The following CASK variants were observed in gnomAD, a reference collection of about 807,000 sequenced individuals.
CASK encodes peripheral plasma membrane protein CASK.
Under a neutral mutation model 82.9 loss-of-function variants are expected in CASK, and 4 were observed. The observed-to-expected ratio is 0.05, with a 90% CI of 0.02 to 0.11. CASK has a LOEUF of 0.11. CASK is among the 10% of genes least tolerant of loss of function. The pLI is 1.00. For synonymous variants in CASK, 259 were observed against 253.5 expected (o/e 1.02, Z -0.20); for missense variants, 358 against 720.9 (o/e 0.50, Z 5.76).
rs1335656094 is a variant in CASK, at chrX:41,517,392, A to G, written c.*3028T>C. On this transcript the variant is annotated 3_prime_UTR_variant, in exon 27 of 27. Coordinates refer to ENST00000378163, the MANE Select transcript of CASK (RefSeq NM_001367721.1). ...TTAAAAAGGCTACAATGTTATCTTG[A>G]CACTGGGAAACTTCCAGATGAATTA... 4.2e-5 allele frequency: 6 copies of G among 143,283 alleles called. No homozygotes were observed. Among genetic ancestry groups the G allele is most frequent in the Non-Finnish European group, 4.1e-5 (3 of 73,111 alleles). The allele number at this position is 143,283 out of a possible 1,213,427, so 11.8% of individuals were successfully genotyped here.
chrX:41,570,422 T>A (rs1364887935), intron 15 of CASK, among the ~76,000 whole-genome samples: 1 of 111,806 alleles, frequency 8.9e-6, no homozygotes. Flanking sequence ...ATAATTGACA[T>A]ACACATATTT....
chrX:41,823,298 C>T (rs372715640), intron 2 of CASK, among the ~76,000 whole-genome samples: 2 of 108,026 alleles, frequency 1.9e-5, no homozygotes, highest in Non-Finnish European at 1.9e-5. Context: ...TGCTGCCTAT[C>T]GAAGATCTCA....
rs897941808 is a variant in CASK, at chrX:41,595,597, G to A, written c.1156-6005C>T. ...GTGACAGAATGAGACTCTGTTTGGG[G>A]TACCAAAAAAATAAAAATAAAAAAA... is the stretch of plus-strand genomic sequence containing the variant. On this transcript the variant is annotated intron_variant, in intron 12 of 26. Coordinates refer to ENST00000378163, the MANE Select transcript of CASK (RefSeq NM_001367721.1). 2.7e-5 allele frequency among the ~76,000 whole-genome samples: 3 copies of A among 110,515 alleles called. No individual in the cohort carries two copies. In the Admixed American group the frequency reaches 2.9e-4, roughly 11 times the overall value.
In CASK at chrX:41,516,684, G is replaced by C. The variant is rs2064554612; in HGVS notation, c.*3736C>G. On this transcript the variant is annotated 3_prime_UTR_variant, in exon 27 of 27. Transcript: ENST00000378163. The stretch of plus-strand genomic sequence containing the variant: ...GAGTTTGATAATAGGAAGCAAGAAG[G>C]AGGAGGGATGAGGATGACAAGGAGC... The C allele has an allele frequency of 9.0e-6, 1 of 111,364 alleles. No homozygotes were observed. The highest frequency in any genetic ancestry group is 1.9e-5 in the Non-Finnish European group (1 of 53,082). 9.2% of individuals were successfully genotyped at this position (111,364 alleles called of 1,213,427 possible). A position where few individuals can be genotyped will look rare whatever the true frequency, so the allele number is the denominator to read the frequency against.
Position 41,923,026 on chromosome X carries a change from C to A in CASK, c.-38G>T. 1 of 1,175,335 alleles carries A rather than the reference C, an allele frequency of 8.5e-7. No homozygotes were observed. The highest frequency in any genetic ancestry group is 1.2e-6 in the Non-Finnish European group (1 of 863,119). On this transcript the variant is annotated 5_prime_UTR_variant, in exon 1 of 27. Transcript: ENST00000378163. ...ATAGCGGCCGCAGCGTGGAGGGCTT[C>A]GAAAACGGGGGTGGGGGCGCCCAAG...
At chrX:41,646,027 T>C (rs1326158821) in intron 8 of CASK, among the ~76,000 whole-genome samples, 2 of 111,419 alleles carry the variant, frequency 1.8e-5, no homozygotes, top group African/African-American at 6.5e-5. Context: ...AATGTTACCA[T>C]AGGTTATAAA....
chrX:41,684,662 A>C (rs778940138), intron 5 of CASK, among the ~76,000 whole-genome samples: 1 of 110,397 alleles, frequency 9.1e-6, no homozygotes, highest in African/African-American at 3.3e-5. Flanking sequence ...ATGCCTGACT[A>C]ATTTTTTGCA....
chrX:41,705,012 T>C (rs1162200591), intron 5 of CASK, among the ~76,000 whole-genome samples: 2 of 111,661 alleles, frequency 1.8e-5, no homozygotes, highest in African/African-American at 6.5e-5. Context: ...ATACATAAAA[T>C]GGAATGGCTA....
At chrX:41,567,697 T>G (rs79400142) in intron 16 of CASK, among the ~76,000 whole-genome samples, 13,788 of 111,382 alleles carry the variant, frequency 0.12, 819 homozygotes, top group Middle Eastern at 0.19. Flanking sequence ...CTCAAGGATC[T>G]AGAACTAGAA....
intron 8 of CASK, among the ~76,000 whole-genome samples, chrX:41,650,866 A>G (rs1414962039): frequency 8.9e-6 from 1 of 111,908 alleles, no homozygotes; most frequent in African/African-American, 3.2e-5. Context: ...CACATGGACA[A>G]ATACTGAAAT....
chrX:41,641,022 G>A (rs1460546771), intron 8 of CASK, among the ~76,000 whole-genome samples: 1 of 64,510 alleles, frequency 1.6e-5, no homozygotes, highest in African/African-American at 6.5e-5. Flanking sequence ...ACTCACTCTT[G>A]TTGCCCAGGC....
chrX:41,646,945 C>T (rs892172591), intron 8 of CASK, among the ~76,000 whole-genome samples: 1 of 111,325 alleles, frequency 9.0e-6, no homozygotes, highest in African/African-American at 3.3e-5. Flanking sequence ...AGTGCTACAG[C>T]GAATTCTAAA....
chrX:41,586,919 T>C lies in CASK; in HGVS notation c.1302A>G (p.Gln434=), dbSNP rs764629370. ...DAKELKRILT[Q]PHFMALLQTH... ...AATTATTACTTACCATGAAATGAGGTTGTGTTAAAATACGCTTTAGTTCCT... is the reference window on the plus strand; with the variant it reads ...AATTATTACTTACCATGAAATGAGGCTGTGTTAAAATACGCTTTAGTTCCT... The change falls in exon 14 of 27, where the codon CAA becomes CAG. Residue 434 remains glutamine (Q), a synonymous_variant. Coordinates refer to ENST00000378163, the MANE Select transcript of CASK (RefSeq NM_001367721.1). The C allele has an allele frequency of 2.6e-6, 3 of 1,161,099 alleles. No homozygotes were observed. In the Admixed American group the frequency reaches 6.5e-5, roughly 25 times the overall value.
At chrX:41,818,145 C>CTGTGTGTGTGTGTG (rs59931187) in intron 2 of CASK, among the ~76,000 whole-genome samples, 51 of 85,422 alleles carry the variant, frequency 6.0e-4, no homozygotes, top group African/African-American at 1.1e-3. Context: ...AGGAGGCCTT[C>CTGTGTGTGTGTGTG]TGTGTGTGTG....
At position 41,606,098 on chromosome X, in the gene CASK, T is replaced by C. The variant is rs1035001021; in HGVS notation, c.1155+3806A>G. ...TTTTAAATGATTAGATTTCTCTATA[T>C]GGCAGTCACTTGAATTCTTCATTGA... On this transcript the variant is annotated intron_variant, in intron 12 of 26. Coordinates refer to ENST00000378163, the MANE Select transcript of CASK (RefSeq NM_001367721.1). Among the ~76,000 whole-genome samples, 4 of 112,646 alleles carry C rather than the reference T, an allele frequency of 3.6e-5. No homozygotes were observed. The South Asian group carries it at 1.5e-3, about 41-fold the overall frequency.
intron 1 of CASK, among the ~76,000 whole-genome samples, chrX:41,856,807 A>C (rs1292428982): frequency 9.2e-6 from 1 of 108,251 alleles, no homozygotes; most frequent in East Asian, 2.9e-4. Context: ...AAAAAAAAAA[A>C]AAAAAACCAA....
intron 3 of CASK, among the ~76,000 whole-genome samples, chrX:41,775,586 G>A (rs370099008): frequency 2.8e-5 from 3 of 105,760 alleles, no homozygotes; most frequent in South Asian, 4.2e-4. Flanking sequence ...ACATGCACAC[G>A]TATGTTTACT....
intron 3 of CASK, among the ~76,000 whole-genome samples, chrX:41,772,345 C>CAAAA (rs761427437): frequency 1.1e-4 from 3 of 26,354 alleles, no homozygotes; most frequent in Non-Finnish European, 1.8e-4. Context: ...GACTCTGTCT[C>CAAAA]AAAAAAAAAA....
intron 5 of CASK, among the ~76,000 whole-genome samples, chrX:41,726,438 A>T: frequency 8.9e-6 from 1 of 111,942 alleles, no homozygotes; most frequent in African/African-American, 3.3e-5. Flanking sequence ...AACTGAGTTA[A>T]CTTCTGAAAT....
Sources: gnomAD v4.1 joint callset for allele counts (sites outside exome capture counted in the v4.1 genomes callset) on GRCh38, gnomAD v4.1.1 for gene constraint, MANE v1.5 for transcripts, NCBI Gene and HGNC (gene_info 2026-07-23, HGNC 2026-07-21) for gene names.